Variants in LOC112694756 observed in about 807,000 individuals in gnomAD.
At chr16:30,054,635 T>TAATG in the LOC112694756 span, 4 of 397,024 alleles carry the variant, frequency 1.0e-5, no homozygotes, top group East Asian at 1.4e-4. Context: ...GGGCACAAGA[T>TAATG]AATGAGTCAG....
the LOC112694756 span, among the ~76,000 whole-genome samples, chr16:30,059,528 C>G: frequency 6.7e-6 from 1 of 150,116 alleles, no homozygotes; most frequent in African/African-American, 2.5e-5. Context: ...AATAATATCT[C>G]TCTTTCTTTT....
the LOC112694756 span, chr16:30,070,357 AT>A: frequency 2.7e-6 from 2 of 740,044 alleles, no homozygotes; most frequent in Non-Finnish European, 4.7e-6. Context: ...TCGTCTGTGA[AT>A]GCTAAGTCCA....
the LOC112694756 span, chr16:30,064,100 A>T: frequency 2.5e-6 from 1 of 399,434 alleles, no homozygotes; most frequent in South Asian, 1.3e-4. Context: ...CTTCCCCTCC[A>T]CACGTCAACG....
At chr16:30,060,832 C>T in the LOC112694756 span, among the ~76,000 whole-genome samples, 78 of 152,294 alleles carry the variant, frequency 5.1e-4, no homozygotes, top group Non-Finnish European at 7.9e-4. Flanking sequence ...TCTAGCCTCC[C>T]CCAAGGAGGC....
At chr16:30,068,029 C>T in the LOC112694756 span, 8 of 271,950 alleles carry the variant, frequency 2.9e-5, no homozygotes, top group Non-Finnish European at 2.1e-5. Flanking sequence ...TTAATTGTAA[C>T]TAAGTATTTG....
At chr16:30,066,430 C>T in the LOC112694756 span, among the ~76,000 whole-genome samples, 3 of 152,330 alleles carry the variant, frequency 2.0e-5, no homozygotes, top group South Asian at 2.1e-4. Flanking sequence ...TGCAGCCATG[C>T]GAAGCGACGG....
chr16:30,069,606 T>C, the LOC112694756 span: 1 of 1,614,094 alleles, frequency 6.2e-7, no homozygotes, highest in African/African-American at 1.3e-5. Context: ...CTCAGAAGTT[T>C]TCTCATGAGG....
At chr16:30,057,605 T>C in the LOC112694756 span, among the ~76,000 whole-genome samples, 1 of 152,310 alleles carries the variant, frequency 6.6e-6, no homozygotes, top group East Asian at 1.9e-4. Flanking sequence ...AACTTGGGCA[T>C]ATGGTGATTG....
At chr16:30,065,642 G>A in the LOC112694756 span, 1 of 152,172 alleles carries the variant, frequency 6.6e-6, no homozygotes, top group South Asian at 2.0e-4. Flanking sequence ...CGCCTCTCGG[G>A]GGCGGCCCGT....
the LOC112694756 span, chr16:30,070,162 G>C: frequency 6.2e-7 from 1 of 1,614,124 alleles, no homozygotes; most frequent in Non-Finnish European, 8.5e-7. Context: ...GAGCGGTCAG[G>C]CTGGGGCTGC....
At chr16:30,058,816 C>CTCAT in the LOC112694756 span, 127 of 389,140 alleles carry the variant, frequency 3.3e-4, no homozygotes, top group Middle Eastern at 3.9e-3. Flanking sequence ...TTGCAAGGTT[C>CTCAT]TCATTCATTC....
At chr16:30,064,424 G>C in the LOC112694756 span, 1 of 398,682 alleles carries the variant, frequency 2.5e-6, no homozygotes, top group East Asian at 3.6e-5. Flanking sequence ...CTTCCCACAG[G>C]TCCCTGGCCA....
chr16:30,070,254 C>T, the LOC112694756 span: 3 of 1,594,484 alleles, frequency 1.9e-6, no homozygotes, highest in Non-Finnish European at 1.7e-6. Context: ...CCAGGCCCTG[C>T]CCCCTCCCAC....
chr16:30,068,647 T>C, the LOC112694756 span: 1 of 1,614,108 alleles, frequency 6.2e-7, no homozygotes, highest in Admixed American at 1.7e-5. Context: ...CCCCAACAGG[T>C]AGACAAGGGC....
the LOC112694756 span, chr16:30,066,938 C>G: frequency 1.3e-6 from 2 of 1,550,994 alleles, no homozygotes; most frequent in Middle Eastern, 1.7e-4. Flanking sequence ...TTCAACATGA[C>G]CCACCTGTCC....
chr16:30,069,744 C>A, the LOC112694756 span: 9 of 1,611,442 alleles, frequency 5.6e-6, no homozygotes, highest in South Asian at 9.9e-5. Context: ...CCCATTTGGA[C>A]GGATTTCCAT....
At chr16:30,055,730 A>G in the LOC112694756 span, among the ~76,000 whole-genome samples, 2 of 151,962 alleles carry the variant, frequency 1.3e-5, no homozygotes, top group Non-Finnish European at 2.9e-5. Flanking sequence ...AGAACTGAGA[A>G]CTAAGTTGTT....
chr16:30,068,357 C>A, the LOC112694756 span: 1 of 420,074 alleles, frequency 2.4e-6, no homozygotes, highest in South Asian at 2.0e-5. Context: ...AGCCACCATG[C>A]CCGGCTTAAG....
At chr16:30,057,937 A>C in the LOC112694756 span, among the ~76,000 whole-genome samples, 1 of 151,982 alleles carries the variant, frequency 6.6e-6, no homozygotes, top group East Asian at 1.9e-4. Context: ...TCTCAAAAAA[A>C]AAAAACCAAA....
Sources: allele counts gnomAD v4.1 joint callset (sites outside exome capture counted in the v4.1 genomes callset), GRCh38; gene constraint gnomAD v4.1.1; transcripts MANE v1.5.